The following SMG6 variants were observed in gnomAD, a reference collection of about 807,000 sequenced individuals.
The protein encoded by SMG6 is telomerase-binding protein EST1A.
Under a neutral mutation model 142.2 loss-of-function variants are expected in SMG6, and 66 were observed. The observed-to-expected ratio is 0.46, with a 90% CI of 0.38 to 0.57. The LOEUF is 0.57. SMG6 is among the 20% of genes least tolerant of loss of function. SMG6 has a pLI of 0.00. For missense variants in SMG6, 1,793 were observed against 1,832.0 expected (o/e 0.98, Z 0.39); for synonymous variants, 779 against 702.4 (o/e 1.11, Z -1.72).
intron 15 of SMG6, among the ~76,000 whole-genome samples, chr17:2,077,798 T>G (rs1193286740): frequency 6.6e-6 from 1 of 151,970 alleles, no homozygotes; most frequent in South Asian, 2.1e-4. Flanking sequence ...TCCTGAGTAG[T>G]TGGAACCATA....
At chr17:2,213,952 G>C (rs2072938029) in intron 10 of SMG6, 1 of 152,180 alleles carries the variant, frequency 6.6e-6, no homozygotes, top group Non-Finnish European at 1.5e-5. Flanking sequence ...ATTTGTAAAA[G>C]CCCTAATTAC....
chr17:2,131,725 G>A (rs1476836813), intron 13 of SMG6, among the ~76,000 whole-genome samples: 1 of 152,152 alleles, frequency 6.6e-6, no homozygotes, highest in African/African-American at 2.4e-5. Flanking sequence ...GATCCACAAT[G>A]CACATAGCTG....
chr17:2,064,962 C>G (rs779186878), intron 18 of SMG6, 111 bp downstream of exon 18: 156 of 843,526 alleles, frequency 1.8e-4, no homozygotes, highest in Non-Finnish European at 2.9e-4. Context: ...AGCACTGATT[C>G]CTTAGACTTC....
intron 12 of SMG6, among the ~76,000 whole-genome samples, chr17:2,178,236 C>T (rs1343840396): frequency 6.6e-6 from 1 of 152,088 alleles, no homozygotes; most frequent in Non-Finnish European, 1.5e-5. Flanking sequence ...CTATGCGGCT[C>T]CTGGAGATTT....
At chr17:2,184,893 A>T (rs1351180572) in intron 12 of SMG6, among the ~76,000 whole-genome samples, 9 of 144,546 alleles carry the variant, frequency 6.2e-5, no homozygotes, top group Non-Finnish European at 1.2e-4. Context: ...TGAACTCAGG[A>T]GACAGAGGTT....
intron 8 of SMG6, among the ~76,000 whole-genome samples, chr17:2,273,333 C>T (rs1420960357): frequency 6.6e-6 from 1 of 152,170 alleles, no homozygotes; most frequent in Non-Finnish European, 1.5e-5. Context: ...CTGGACAACA[C>T]AGAGACACCC....
At chr17:2,270,593 G>C (rs140940365) in intron 8 of SMG6, among the ~76,000 whole-genome samples, 39 of 152,232 alleles carry the variant, frequency 2.6e-4, no homozygotes, top group African/African-American at 8.9e-4. Context: ...GCACAACAGA[G>C]AGGAACCATG....
At chr17:2,136,911 C>T (rs1567627400) in intron 13 of SMG6, among the ~76,000 whole-genome samples, 1 of 152,136 alleles carries the variant, frequency 6.6e-6, no homozygotes. Context: ...GTAATTTCAG[C>T]ACTTTGGGAG....
At chr17:2,212,457 G>GTGC (rs2151749196) in intron 10 of SMG6, among the ~76,000 whole-genome samples, 1 of 152,330 alleles carries the variant, frequency 6.6e-6, no homozygotes, top group Admixed American at 6.5e-5. Context: ...CAGGACTGCA[G>GTGC]TGCTGCTGGC....
At chr17:2,211,557 G>C (rs1179361021) in intron 10 of SMG6, among the ~76,000 whole-genome samples, 1 of 151,764 alleles carries the variant, frequency 6.6e-6, no homozygotes, top group Non-Finnish European at 1.5e-5. Context: ...TCAGCTACTC[G>C]GGAGGCTGAG....
intron 8 of SMG6, among the ~76,000 whole-genome samples, chr17:2,272,695 T>C (rs1371168545): frequency 6.6e-6 from 1 of 151,994 alleles, no homozygotes; most frequent in Non-Finnish European, 1.5e-5. Flanking sequence ...TCCCAGAACT[T>C]TGGGAGGCCG....
At chr17:2,142,838 A>T (rs1447849750) in intron 13 of SMG6, among the ~76,000 whole-genome samples, 2 of 151,218 alleles carry the variant, frequency 1.3e-5, no homozygotes, top group Non-Finnish European at 2.9e-5. Flanking sequence ...CGGTGAGCCA[A>T]GATTGCGCCA....
At chr17:2,078,635 G>A (rs2068326067) in intron 15 of SMG6, among the ~76,000 whole-genome samples, 1 of 152,060 alleles carries the variant, frequency 6.6e-6, no homozygotes, top group South Asian at 2.1e-4. Flanking sequence ...GCTGCCCAAA[G>A]TGCTGGGATT....
intron 13 of SMG6, among the ~76,000 whole-genome samples, chr17:2,159,906 C>CTTAT (rs2071122225): frequency 6.6e-6 from 1 of 152,096 alleles, no homozygotes; most frequent in Admixed American, 6.5e-5. Flanking sequence ...AAAACAAAGA[C>CTTAT]ATAAGAGTAT....
At chr17:2,126,641 G>C (rs918333412) in intron 13 of SMG6, among the ~76,000 whole-genome samples, 1 of 151,630 alleles carries the variant, frequency 6.6e-6, no homozygotes, top group Non-Finnish European at 1.5e-5. Context: ...ACTTGAACCC[G>C]GGAGGTGGAG....
At chr17:2,266,544 C>CA (rs1274591538) in intron 8 of SMG6, among the ~76,000 whole-genome samples, 1 of 152,154 alleles carries the variant, frequency 6.6e-6, no homozygotes, top group Non-Finnish European at 1.5e-5. Flanking sequence ...GCGTTTGCAG[C>CA]ATGGCTTATG....
chr17:2,143,733 A>C (rs1014274158), intron 13 of SMG6, among the ~76,000 whole-genome samples: 10 of 152,252 alleles, frequency 6.6e-5, no homozygotes, highest in Admixed American at 2.0e-4. Flanking sequence ...TGTGAATCAT[A>C]TCTCAATAAA....
chr17:2,300,478 T>A lies in SMG6; in HGVS notation c.275A>T (p.Gln92Leu), dbSNP rs139316597. ...RDCSAVENGT[Q>L]PVKDVCKELN... ...TTCCTTGCAGACATCTTTAACGGGC[T>A]GTGTACCATTTTCAACAGCAGAGCA... The change falls in exon 2 of 19, where the codon CAG (glutamine) becomes CTG (leucine). Residue 92 changes from glutamine to leucine, a missense_variant. This residue lies in a region of SMG6 where 1,597 missense variants were observed against 1,584.6 expected (regional missense o/e 1.01). Coordinates refer to ENST00000263073, the MANE Select transcript of SMG6 (RefSeq NM_017575.5). The A allele has an allele frequency of 1.4e-4, 228 of 1,614,200 alleles. No individual in the cohort carries two copies. In the African/African-American group the frequency reaches 2.8e-3, roughly 20 times the overall value.
At chr17:2,147,636 C>A (rs901367684) in intron 13 of SMG6, among the ~76,000 whole-genome samples, 1 of 152,076 alleles carries the variant, frequency 6.6e-6, no homozygotes, top group Non-Finnish European at 1.5e-5. Flanking sequence ...GGCCAATCAA[C>A]TGAGAAAGGA....
Sources: gnomAD v4.1 joint callset for allele counts (sites outside exome capture counted in the v4.1 genomes callset) on GRCh38, gnomAD v4.1.1 for gene constraint, gnomAD v4.1.1 regional missense constraint, MANE v1.5 for transcripts, NCBI Gene and HGNC (gene_info 2026-07-23, HGNC 2026-07-21) for gene names.